Variants in SLFN12 observed in about 807,000 individuals in gnomAD.
The protein encoded by SLFN12 is ribonuclease SLFN12.
Under a neutral mutation model 29.1 loss-of-function variants are expected in SLFN12, and 25 were observed. That is an observed-to-expected ratio of 0.86 (90% CI 0.63 to 1.20). The LOEUF (loss-of-function observed/expected upper bound fraction) is 1.20, where lower values mean the gene tolerates loss of function less well. Among genes scored for constraint, SLFN12 ranks in the 50% most tolerant of loss-of-function variants. The pLI is 0.00. For missense variants in SLFN12, 660 were observed against 666.2 expected, an observed-to-expected ratio of 0.99 and a Z score of 0.10; for synonymous variants, 257 against 238.7, an observed-to-expected ratio of 1.08 and a Z score of -0.71.
chr17:35,423,646 T>G (rs1911834535), intron 1 of SLFN12, among the ~76,000 whole-genome samples: 1 of 152,156 alleles, frequency 6.6e-6, no homozygotes, highest in Non-Finnish European at 1.5e-5. Context: ...GTGCCCTTTT[T>G]AAATCTAATA....
chr17:35,411,321 GC>G lies in SLFN12; in HGVS notation c.*16del, dbSNP rs536149492. The G allele has an allele frequency of 4.3e-4, 616 of 1,429,386 alleles. 14 individuals carry two copies. In the East Asian group the frequency reaches 0.014, roughly 32 times the overall value. The allele number at this position is 1,429,386 out of a possible 1,614,324, so 88.5% of individuals were successfully genotyped here. On this transcript the variant is annotated 3_prime_UTR_variant, in exon 4 of 4. Coordinates refer to ENST00000304905, the MANE Select transcript of SLFN12 (RefSeq NM_018042.5). Reference sequence around the variant, plus strand: ...ATATATAATGAAAAATATCTCAGTAGCCCAGTCCATTTTCCATCAGGTGAGC... The same window carrying G: ...ATATATAATGAAAAATATCTCAGTAGCCAGTCCATTTTCCATCAGGTGAGC...
Position 35,411,299 on chromosome 17 carries a change from T to C in SLFN12, c.*39A>G, listed in dbSNP as rs369919431. On this transcript the variant is annotated 3_prime_UTR_variant, in exon 4 of 4. Transcript: ENST00000304905. ...CAGAATTAGAGAATGTTATCAAATA[T>C]ATAATGAAAAATATCTCAGTAGCCC... The C allele has an allele frequency of 3.8e-6, 5 of 1,323,762 alleles. No individual in the cohort carries two copies. In the African/African-American group the frequency reaches 7.3e-5, roughly 19 times the overall value. 82.0% of individuals were successfully genotyped at this position (1,323,762 alleles called of 1,614,324 possible).
At chr17:35,423,531 C>G (rs1273456253) in intron 1 of SLFN12, among the ~76,000 whole-genome samples, 2 of 152,044 alleles carry the variant, frequency 1.3e-5, no homozygotes, top group African/African-American at 4.8e-5. Flanking sequence ...CCGTTAAGGT[C>G]TAATGACATC....
At chr17:35,417,967 T>C (rs1405158495) in intron 3 of SLFN12, among the ~76,000 whole-genome samples, 1 of 152,026 alleles carries the variant, frequency 6.6e-6, no homozygotes, top group Non-Finnish European at 1.5e-5. Context: ...TTAAAGAAGA[T>C]ATAAATAAGT....
Position 35,422,569 on chromosome 17 carries a change from C to G in SLFN12, c.460G>C (p.Gly154Arg), listed in dbSNP as rs1202237344. ...EFLKDMKKTR[G>R]RLYLRPELLA... ...AATTCTGGTCTTAAATACAATCTCCCTCTAGTCTTTTTCATGTCTTTGAGG... is the reference window on the plus strand; with the variant it reads ...AATTCTGGTCTTAAATACAATCTCCGTCTAGTCTTTTTCATGTCTTTGAGG... The change falls in exon 2 of 4, where the codon GGG becomes CGG. Residue 154 changes from glycine to arginine, a missense_variant. Transcript: ENST00000304905. 3 of 1,614,092 alleles carry G rather than the reference C, an allele frequency of 1.9e-6. No individual in the cohort carries two copies. The highest frequency in any genetic ancestry group is 2.5e-6 in the Non-Finnish European group (3 of 1,180,018).
At position 35,422,268 on chromosome 17, in the gene SLFN12, A is replaced by C; in HGVS notation, c.761T>G (p.Met254Arg). 6.2e-7 allele frequency: 1 copy of C among 1,614,066 alleles called. No individual in the cohort carries two copies. Among genetic ancestry groups the C allele is most frequent in the Middle Eastern group, 1.7e-4 (1 of 6,060 alleles). ...TCTTTCTAAGTCATCGAGGTCACTC[A>C]TCTCTGCTTTAAAGCCAATTATTTC... ...DKEIIGFKAE[M>R]SDLDDLEREI... The change falls in exon 2 of 4, where the codon ATG becomes AGG. Residue 254 changes from methionine (M) to arginine (R), a missense_variant. Physicochemically the swap from Met to Arg is moderately conservative, Grantham distance 91. Transcript: ENST00000304905.
intron 3 of SLFN12, among the ~76,000 whole-genome samples, chr17:35,412,141 T>C (rs1911066929): frequency 6.6e-6 from 1 of 152,112 alleles, no homozygotes; most frequent in African/African-American, 2.4e-5. Flanking sequence ...ACACAGAAAG[T>C]AGCTTCACAT....
At chr17:35,413,359 CA>C (rs957749605) in intron 3 of SLFN12, among the ~76,000 whole-genome samples, 17 of 150,390 alleles carry the variant, frequency 1.1e-4, no homozygotes, top group African/African-American at 3.9e-4. Flanking sequence ...AAGGACACTA[CA>C]AAAAAAAAGA....
chr17:35,412,196 G>A (rs1377663203), intron 3 of SLFN12, among the ~76,000 whole-genome samples: 1 of 152,060 alleles, frequency 6.6e-6, no homozygotes, highest in East Asian at 1.9e-4. Flanking sequence ...ATCATGGCAT[G>A]GGTAAATAGA....
intron 2 of SLFN12, among the ~76,000 whole-genome samples, chr17:35,421,223 A>C (rs1911620057): frequency 6.7e-6 from 1 of 148,656 alleles, no homozygotes; most frequent in African/African-American, 2.5e-5. Context: ...TAAATAAATA[A>C]ATAAATAAAT....
Position 35,411,798 on chromosome 17 carries a change from C to T in SLFN12, c.1277G>A (p.Arg426Lys). 6.2e-7 allele frequency: 1 copy of T among 1,614,048 alleles called. No individual in the cohort carries two copies. The highest frequency in any genetic ancestry group is 8.5e-7 in the Non-Finnish European group (1 of 1,180,000). The stretch of plus-strand genomic sequence containing the variant: ...CAAGCCCAGATCCACAGACCAGCTC[C>T]TAGAGAAGATCAGTGAGCCCTTTCT... ...SVRKGSLIFSRSWSVDLGLQE... is the reference protein window; with the variant it reads ...SVRKGSLIFSKSWSVDLGLQE... The change falls in exon 4 of 4, where the codon AGG (arginine) becomes AAG (lysine). Residue 426 changes from arginine (R) to lysine (K), a missense_variant. Arg to Lys is a conservative substitution (Grantham distance 26, BLOSUM62 2). Coordinates refer to ENST00000304905, the MANE Select transcript of SLFN12 (RefSeq NM_018042.5).
chr17:35,422,801 T>C lies in SLFN12; in HGVS notation c.228A>G (p.Gly76=). 1 of 1,613,778 alleles carries C rather than the reference T, an allele frequency of 6.2e-7. No individual in the cohort carries two copies. The highest frequency in any genetic ancestry group is 1.1e-5 in the South Asian group (1 of 91,064). ...EDYSYTKDGI[G]LDLENSFSNI... is the part of the protein sequence containing the mutation. ...TACTAAAAGAATTTTCCAAATCTAG[T>C]CCTATTCCATCTTTTGTATAACTAT... Residue 76 remains glycine, a synonymous_variant, in exon 2 of 4, where the codon GGA becomes GGG. Transcript: ENST00000304905.
chr17:35,427,508 G>A (rs1268961672), intron 1 of SLFN12, among the ~76,000 whole-genome samples: 2 of 152,070 alleles, frequency 1.3e-5, no homozygotes, highest in Admixed American at 1.3e-4. Flanking sequence ...GAGGATGTGA[G>A]CTGTATTTCT....
intron 1 of SLFN12, among the ~76,000 whole-genome samples, chr17:35,425,499 A>G (rs1911954720): frequency 6.6e-6 from 1 of 152,118 alleles, no homozygotes; most frequent in Admixed American, 6.5e-5. Flanking sequence ...GATTCTACAA[A>G]TAAGTGAAAT....
At chr17:35,417,480 G>A (rs1597769080) in intron 3 of SLFN12, among the ~76,000 whole-genome samples, 1 of 152,030 alleles carries the variant, frequency 6.6e-6, no homozygotes. Flanking sequence ...AAGTTCTGGG[G>A]TACATGTGCA....
intron 1 of SLFN12, among the ~76,000 whole-genome samples, chr17:35,427,527 A>G (rs1912080636): frequency 6.6e-6 from 1 of 152,084 alleles, no homozygotes; most frequent in Admixed American, 6.6e-5. Context: ...CTATTATTTC[A>G]CATTTTACCC....
intron 1 of SLFN12, among the ~76,000 whole-genome samples, chr17:35,425,387 TCTAA>T (rs1410436637): frequency 6.6e-6 from 1 of 152,070 alleles, no homozygotes; most frequent in African/African-American, 2.4e-5. Flanking sequence ...ATTCCTCCTA[TCTAA>T]CTGACATTTT....
At chr17:35,431,004 T>A (rs928109839) in intron 1 of SLFN12, among the ~76,000 whole-genome samples, 4 of 152,182 alleles carry the variant, frequency 2.6e-5, no homozygotes, top group African/African-American at 9.6e-5. Context: ...AGGGGTTGAT[T>A]GTTCTCAGTG....
intron 3 of SLFN12, among the ~76,000 whole-genome samples, chr17:35,418,584 G>A (rs1911448763): frequency 6.6e-6 from 1 of 152,024 alleles, no homozygotes; most frequent in Non-Finnish European, 1.5e-5. Flanking sequence ...CACAAAATAT[G>A]TGTTAATTGA....
Sources: gnomAD v4.1 joint callset for allele counts (sites outside exome capture counted in the v4.1 genomes callset) on GRCh38, gnomAD v4.1.1 for gene constraint, MANE v1.5 for transcripts, NCBI Gene and HGNC (gene_info 2026-07-23, HGNC 2026-07-21) for gene names.